Variants in GRAMD2B observed in about 807,000 individuals in gnomAD.
GRAMD2B encodes GRAM domain containing 2B, also known as GRAM domain-containing protein 2B.
GRAMD2B carries 41 observed loss-of-function variants against 59.2 expected under a neutral mutation model. The observed-to-expected ratio is 0.69, with a 90% CI of 0.54 to 0.90. The LOEUF is 0.90. GRAMD2B is among the 40% of genes least tolerant of loss of function. The probability of loss-of-function intolerance (pLI) is 0.00; values close to 1 mark genes in which losing one functional copy is unlikely to be tolerated. For missense variants in GRAMD2B, 424 were observed against 500.5 expected (o/e 0.85, Z 1.46); for synonymous variants, 161 against 182.7 (o/e 0.88, Z 0.96).
chr5:126,360,224 A>G, exon 1 of GRAMD2B: 1 of 1,331,820 alleles, frequency 7.5e-7, no homozygotes, highest in Non-Finnish European at 1.0e-6. Flanking sequence ...GTGAGCGAAA[A>G]GCACACCAAC....
chr5:126,400,861 T>G (rs1020150582), intron 1 of GRAMD2B, among the ~76,000 whole-genome samples: 1 of 152,158 alleles, frequency 6.6e-6, no homozygotes, highest in African/African-American at 2.4e-5. Flanking sequence ...ACTTTTCTCT[T>G]GCTGTTTTCA....
At chr5:126,453,303 C>G (rs534087474) in intron 1 of GRAMD2B, among the ~76,000 whole-genome samples, 1 of 148,996 alleles carries the variant, frequency 6.7e-6, no homozygotes, top group East Asian at 2.0e-4. Context: ...CCACTGCACT[C>G]TAGCCTGGGC....
chr5:126,473,726 A>C, intron 5 of GRAMD2B, among the ~76,000 whole-genome samples: 1 of 152,212 alleles, frequency 6.6e-6, no homozygotes, highest in Non-Finnish European at 1.5e-5. Context: ...CATACATTTA[A>C]ACCAAAATCA....
intron 1 of GRAMD2B, among the ~76,000 whole-genome samples, chr5:126,375,367 T>C (rs1353670582): frequency 6.6e-6 from 1 of 151,986 alleles, no homozygotes; most frequent in African/African-American, 2.4e-5. Context: ...CTCCTTGAAA[T>C]CTTTTTGTTT....
intron 1 of GRAMD2B, among the ~76,000 whole-genome samples, chr5:126,457,292 G>A (rs1011536812): frequency 4.7e-5 from 7 of 148,722 alleles, no homozygotes; most frequent in Admixed American, 3.4e-4. Context: ...TTGGTATCTT[G>A]ATGCTATCTT....
At chr5:126,402,581 A>G (rs1422270) in intron 1 of GRAMD2B, among the ~76,000 whole-genome samples, 119,056 of 151,852 alleles carry the variant, frequency 0.78, 47,178 homozygotes, top group Non-Finnish European at 0.85. Flanking sequence ...TCTTTGACAG[A>G]TCCACAATCA....
At chr5:126,459,282 A>C (rs1766920008) in intron 1 of GRAMD2B, among the ~76,000 whole-genome samples, 1 of 152,148 alleles carries the variant, frequency 6.6e-6, no homozygotes, top group Non-Finnish European at 1.5e-5. Flanking sequence ...ATATCCACTT[A>C]ACTTTTTTTT....
chr5:126,406,917 G>A (rs1758314231), intron 1 of GRAMD2B, among the ~76,000 whole-genome samples: 1 of 151,992 alleles, frequency 6.6e-6, no homozygotes, highest in Admixed American at 6.6e-5. Flanking sequence ...ATTCTGTTTT[G>A]TGGTTCTGAA....
At chr5:126,478,140 GAAAAAAAA>G (rs11376080) in intron 6 of GRAMD2B, among the ~76,000 whole-genome samples, 1 of 126,874 alleles carries the variant, frequency 7.9e-6, no homozygotes, top group Non-Finnish European at 1.6e-5. Flanking sequence ...GTCTTAAAGG[GAAAAAAAA>G]AAAAAAAAAA....
intron 1 of GRAMD2B, among the ~76,000 whole-genome samples, chr5:126,363,098 A>G (rs1213030367): frequency 6.6e-6 from 1 of 152,204 alleles, no homozygotes; most frequent in Non-Finnish European, 1.5e-5. Context: ...TAGCCACAAT[A>G]TATAAAGCAT....
chr5:126,426,476 T>C (rs1341334180), intron 1 of GRAMD2B, among the ~76,000 whole-genome samples: 4 of 152,362 alleles, frequency 2.6e-5, no homozygotes, highest in East Asian at 3.9e-4. Flanking sequence ...CAATTAATGT[T>C]TATTGACAGT....
chr5:126,452,841 C>T (rs1005725534), intron 1 of GRAMD2B, among the ~76,000 whole-genome samples: 1 of 152,162 alleles, frequency 6.6e-6, no homozygotes, highest in African/African-American at 2.4e-5. Context: ...ATAGACCTCA[C>T]TAAGTAATGA....
chr5:126,386,989 C>T (rs1249415990), intron 1 of GRAMD2B, among the ~76,000 whole-genome samples: 1 of 152,026 alleles, frequency 6.6e-6, no homozygotes, highest in Non-Finnish European at 1.5e-5. Flanking sequence ...CTTTTATAAC[C>T]TAGTGAGAGC....
At chr5:126,417,737 T>C (rs72782496) in intron 1 of GRAMD2B, among the ~76,000 whole-genome samples, 2,485 of 152,300 alleles carry the variant, frequency 0.016, 40 homozygotes, top group Admixed American at 0.054. Flanking sequence ...CCCACAAACA[T>C]TGTATTCACA....
At chr5:126,397,799 G>A (rs868156345) in intron 1 of GRAMD2B, among the ~76,000 whole-genome samples, 26 of 152,124 alleles carry the variant, frequency 1.7e-4, no homozygotes, top group Middle Eastern at 6.8e-3. Flanking sequence ...TTGTATCTGT[G>A]TTCATCAGTA....
chr5:126,484,877 C>T (rs1772606440), intron 10 of GRAMD2B, among the ~76,000 whole-genome samples: 1 of 152,168 alleles, frequency 6.6e-6, no homozygotes, highest in African/African-American at 2.4e-5. Context: ...AGCCACCATG[C>T]CCGGCCTATT....
intron 2 of GRAMD2B, 82 bp downstream of exon 2, chr5:126,465,627 A>T: frequency 7.9e-7 from 1 of 1,262,534 alleles, no homozygotes; most frequent in Non-Finnish European, 1.1e-6. Flanking sequence ...TTTTTTGTTA[A>T]GAGTGAGGAT....
chr5:126,484,271 A>G (rs1772447363), intron 9 of GRAMD2B, 131 bp from the exon 10 acceptor site: 10 of 1,035,716 alleles, frequency 9.7e-6, no homozygotes, highest in East Asian at 7.7e-5. Context: ...AGCCACCACA[A>G]CTAACTTGTG....
chr5:126,458,392 G>A (rs1028805089), intron 1 of GRAMD2B, among the ~76,000 whole-genome samples: 6 of 151,228 alleles, frequency 4.0e-5, no homozygotes, highest in African/African-American at 7.3e-5. Flanking sequence ...CCAAGATTGC[G>A]TTACTGCACT....
Sources: gnomAD v4.1 joint callset for allele counts (sites outside exome capture counted in the v4.1 genomes callset) on GRCh38, gnomAD v4.1.1 for gene constraint, MANE v1.5 for transcripts, NCBI Gene and HGNC (gene_info 2026-07-23, HGNC 2026-07-21) for gene names.